Variants in HECTD3 observed in about 807,000 individuals in gnomAD.
The protein encoded by HECTD3 is HECT domain E3 ubiquitin protein ligase 3.
Under a neutral mutation model 109.3 loss-of-function variants are expected in HECTD3, and 72 were observed. The observed-to-expected ratio is 0.66, with a 90% confidence interval of 0.54 to 0.80. HECTD3 has a LOEUF of 0.80. Ranked by LOEUF, HECTD3 falls within the 30% of genes least tolerant of loss-of-function variation. HECTD3 has a pLI of 0.00. For synonymous variants in HECTD3, 481 were observed against 471.8 expected, an observed-to-expected ratio of 1.02 and a Z score of -0.25; for missense variants, 1,041 against 1,165.2, an observed-to-expected ratio of 0.89 and a Z score of 1.55.
intron 14 of HECTD3, 33 bp from the exon 15 acceptor site, chr1:45,005,916 C>A (rs999477001): frequency 1.2e-6 from 2 of 1,604,616 alleles, no homozygotes; most frequent in Non-Finnish European, 1.7e-6. Flanking sequence ...TGTCTTCTCA[C>A]CCTGAGCTGC....
intron 18 of HECTD3, 40 bp downstream of exon 18, chr1:45,004,020 G>A (rs1341352941): frequency 1.7e-5 from 27 of 1,613,320 alleles, no homozygotes; most frequent in Non-Finnish European, 2.0e-5. Flanking sequence ...CTCAGCAGCA[G>A]AGTCCAAACC....
Position 45,007,362 on chromosome 1 carries a change from C to A in HECTD3, c.1503+51G>T, listed in dbSNP as rs1462511550. 8 of 1,607,734 alleles carry A rather than the reference C, an allele frequency of 5.0e-6. No individual in the cohort carries two copies. The Admixed American group carries it at 1.3e-4, about 27-fold the overall frequency. On this transcript the variant is annotated intron_variant, in intron 10 of 20. Coordinates refer to ENST00000372172, the MANE Select transcript of HECTD3 (RefSeq NM_024602.6). Reference sequence around the variant, plus strand: ...TGTTCAGGTCCCTCTTGGCCTAGCCCCCTTGGCCCTTGACTGATCCTATCT... The same window carrying A: ...TGTTCAGGTCCCTCTTGGCCTAGCCACCTTGGCCCTTGACTGATCCTATCT...
intron 5 of HECTD3, 41 bp from the exon 6 acceptor site, chr1:45,009,523 C>A (rs764390100): frequency 1.9e-6 from 3 of 1,606,336 alleles, no homozygotes; most frequent in Non-Finnish European, 1.7e-6. Flanking sequence ...TGTGAACCCA[C>A]AGGGACATAG....
chr1:45,003,825 G>A lies in HECTD3; in HGVS notation c.2429+30C>T. 1 of 1,612,496 alleles carries A rather than the reference G, an allele frequency of 6.2e-7. No homozygotes were observed. ...GGGAGGGAGGACAGAAGGCGGCCAT[G>A]GCACCTTCAGGCCTCCCTCCAGCAC... On this transcript the variant is annotated intron_variant, in intron 19 of 20. Transcript: ENST00000372172. This position sits in a 1 kb window ranked among gnomAD's most constrained non-coding sequence, Gnocchi z 4.7.
At position 45,006,927 on chromosome 1, in the gene HECTD3, T is replaced by C; in HGVS notation, c.1621+24A>G. The C allele has an allele frequency of 6.2e-7, 1 of 1,604,092 alleles. No homozygotes were observed. The highest frequency in any genetic ancestry group is 1.3e-5 in the African/African-American group (1 of 74,814). On this transcript the variant is annotated intron_variant, in intron 12 of 20. Transcript: ENST00000372172. This position sits in a 1 kb window ranked among gnomAD's most constrained non-coding sequence, Gnocchi z 4.7. ...TTGATAGGGCAGCAAGCAGGACCCT[T>C]GAGATCCTCCCTCAGGGCCTCACCT...
At chr1:45,010,806 A>G in intron 1 of HECTD3, 83 bp downstream of exon 1, 13 of 1,510,526 alleles carry the variant, frequency 8.6e-6, no homozygotes, top group Non-Finnish European at 1.1e-5. Flanking sequence ...TGCCAACTCA[A>G]TACAGGGGAG....
Position 45,003,915 on chromosome 1 carries a change from C to T in HECTD3, c.2369G>A (p.Arg790His). Residue 790 changes from arginine (R) to histidine (H), a missense_variant, in exon 19 of 21, where the codon CGC becomes CAC. Around this residue, in one of 2 missense-constraint regions of HECTD3, gnomAD observed 569 missense variants for 715.3 expected, o/e 0.80. Transcript: ENST00000372172. The surrounding 1 kb of genome is among the most constrained non-coding windows in gnomAD (Gnocchi z 4.7). ...CAGGCGACTGCGGCCCGTGACAAAG[C>T]GCAGGAAGCGGCTCCGGTCCTCTGG... ...FTNEDRSRFLRFVTGRSRLPA... is the reference protein window; with the variant it reads ...FTNEDRSRFLHFVTGRSRLPA... 7 of 1,613,374 alleles carry T rather than the reference C, an allele frequency of 4.3e-6. No homozygotes were observed. Among genetic ancestry groups the T allele is most frequent in the South Asian group, 1.1e-5 (1 of 90,980 alleles).
Position 45,003,373 on chromosome 1 carries a change from G to A in HECTD3, c.*119C>T. 1 of 834,946 alleles carries A rather than the reference G, an allele frequency of 1.2e-6. No individual in the cohort carries two copies. Among genetic ancestry groups the A allele is most frequent in the Non-Finnish European group, 2.0e-6 (1 of 508,622 alleles). 51.7% of individuals were successfully genotyped at this position (834,946 alleles called of 1,614,324 possible). The stretch of plus-strand genomic sequence containing the variant: ...CCTACCCCAACTGCACACAGGAGCA[G>A]GGCACATGGGGTTTTGCTGAGCACG... On this transcript the variant is annotated 3_prime_UTR_variant, in exon 21 of 21. Transcript: ENST00000372172. The surrounding 1 kb of genome is among the most constrained non-coding windows in gnomAD (Gnocchi z 4.7).
rs1047846433 is a variant in HECTD3, at chr1:45,011,129, C to A, written c.129G>T (p.Val43=). 1.2e-5 allele frequency: 18 copies of A among 1,510,980 alleles called. No homozygotes were observed. Among genetic ancestry groups the A allele is most frequent in the Non-Finnish European group, 1.4e-5 (16 of 1,138,200 alleles). 93.6% of individuals were successfully genotyped at this position (1,510,980 alleles called of 1,614,324 possible). ...GRPLPAALAF[V]PREVLYKLYK... ...AAAGCTTGTAGAGCACCTCTCGCGG[C>A]ACGAAAGCCAGCGCTGCTGGCAGCG... is the stretch of plus-strand genomic sequence containing the variant. The change falls in exon 1 of 21, where the codon GTG becomes GTT. Residue 43 remains valine (V), a synonymous_variant. Coordinates refer to ENST00000372172, the MANE Select transcript of HECTD3 (RefSeq NM_024602.6).
chr1:45,003,657 G>GA lies in HECTD3; in HGVS notation c.2501+11dup, dbSNP rs776746761. The GA allele has an allele frequency of 2.5e-6, 4 of 1,614,032 alleles. No individual in the cohort carries two copies. The highest frequency in any genetic ancestry group is 3.3e-5 in the Admixed American group (2 of 60,006). ...CCCCTGGGCCCCAAATCGAGCCTAGGAAAAAACCCACCTGGCATAGTGTGG... is the reference window on the plus strand; with the variant it reads ...CCCCTGGGCCCCAAATCGAGCCTAGGAAAAAAACCCACCTGGCATAGTGTGG... On this transcript the variant is annotated intron_variant, in intron 20 of 20. Transcript: ENST00000372172. This position sits in a 1 kb window ranked among gnomAD's most constrained non-coding sequence, Gnocchi z 4.7.
Position 45,010,140 on chromosome 1 carries a change from C to T in HECTD3, c.624-19G>A. The T allele has an allele frequency of 6.2e-7, 1 of 1,613,656 alleles. No individual in the cohort carries two copies. The highest frequency in any genetic ancestry group is 8.5e-7 in the Non-Finnish European group (1 of 1,179,688). ...TACATAGCTAAGCAACCCCAAGCCC[C>T]TAATTAGACTGGGCCCAGACGCAGA... On this transcript the variant is annotated intron_variant, in intron 3 of 20. Transcript: ENST00000372172.
In HECTD3 at chr1:45,007,536, C is replaced by A; in HGVS notation, c.1380G>T (p.Leu460=). 6.2e-7 allele frequency: 1 copy of A among 1,613,922 alleles called. No homozygotes were observed. Among genetic ancestry groups the A allele is most frequent in the Non-Finnish European group, 8.5e-7 (1 of 1,180,000 alleles). The change falls in exon 10 of 21, where the codon CTG becomes CTT. Residue 460 remains leucine, a synonymous_variant. Coordinates refer to ENST00000372172, the MANE Select transcript of HECTD3 (RefSeq NM_024602.6). ...TGGGCTTGCTGCTCTCAGAGTCACG[C>A]AGGCACTGAGCCACCAGGCCTGGCC... ...RQRPGLVAQC[L]RDSESSKPSF...
rs756792102 is a variant in HECTD3, at chr1:45,010,251, TC to T, written c.572del (p.Gly191AspfsTer32). The T allele has an allele frequency of 5.0e-6, 8 of 1,613,800 alleles. No individual in the cohort carries two copies. Among genetic ancestry groups the T allele is most frequent in the Non-Finnish European group, 6.8e-6 (8 of 1,179,990 alleles). On this transcript the variant is annotated frameshift_variant, in exon 3 of 21. Transcript: ENST00000372172. LOFTEE classifies it high-confidence loss of function. ...ATGCCTCTGCCGGCTGAGGTCTCGA[TC>T]CCAGGCGATGTGAGTATGTCAGGTC... ...VVDLTYSHRL[G>X]SRPQPAEAYA... is the part of the protein sequence containing the mutation.
chr1:45,010,937 C>G lies in HECTD3; in HGVS notation c.321G>C (p.Thr107=). Residue 107 remains threonine (T), a synonymous_variant, in exon 1 of 21, where the codon ACG becomes ACC. Coordinates refer to ENST00000372172, the MANE Select transcript of HECTD3 (RefSeq NM_024602.6). Reference sequence around the variant, plus strand: ...CGTGGCCATTGCACAGCTCCTCGCCCGTGGTGCGCACGCAGGCGCCGCGCC... The same window carrying G: ...CGTGGCCATTGCACAGCTCCTCGCCGGTGGTGCGCACGCAGGCGCCGCGCC... ...ELRRGACVRT[T]GEELCNGHGL... The G allele has an allele frequency of 6.5e-7, 1 of 1,540,634 alleles. No individual in the cohort carries two copies. Among genetic ancestry groups the G allele is most frequent in the Non-Finnish European group, 8.6e-7 (1 of 1,156,446 alleles).
chr1:45,003,934 C>A lies in HECTD3; in HGVS notation c.2350G>T (p.Asp784Tyr). The change falls in exon 19 of 21, where the codon GAC (aspartate) becomes TAC (tyrosine). Residue 784 changes from aspartate (D) to tyrosine (Y), a missense_variant and splice_region_variant. Transcript: ENST00000372172. The surrounding 1 kb of genome is among the most constrained non-coding windows in gnomAD (Gnocchi z 4.7). Reference protein sequence around the residue: ...WEALNNFTNEDRSRFLRFVTG... With the variant: ...WEALNNFTNEYRSRFLRFVTG... ...ACAAAGCGCAGGAAGCGGCTCCGGT[C>A]CTCTGGAGGGAGAAGGAAATCAGTG... is the stretch of plus-strand genomic sequence containing the variant. The A allele has an allele frequency of 6.2e-7, 1 of 1,613,306 alleles. No homozygotes were observed. The highest frequency in any genetic ancestry group is 8.5e-7 in the Non-Finnish European group (1 of 1,179,578).
In HECTD3 at chr1:45,010,903, C is replaced by T. The variant is rs1276697424; in HGVS notation, c.355G>A (p.Val119Met). 2.6e-6 allele frequency: 4 copies of T among 1,536,522 alleles called. No individual in the cohort carries two copies. The East Asian group carries it at 9.2e-5, about 35-fold the overall frequency. ...GAAGAGCGCACCTTTGTCAGCTTCA[C>T]CCAGAGCCCGTGGCCATTGCACAGC... ...EELCNGHGLW[V>M]KLTKEQLAEH... Residue 119 changes from valine (V) to methionine (M), a missense_variant, in exon 1 of 21, where the codon GTG becomes ATG. Physicochemically the swap from Val to Met is conservative, Grantham distance 21 (BLOSUM62 1). This residue lies in a region of HECTD3 where 472 missense variants were observed against 449.9 expected (regional missense o/e 1.05). Coordinates refer to ENST00000372172, the MANE Select transcript of HECTD3 (RefSeq NM_024602.6).
chr1:45,005,277 C>T (rs774152839), intron 15 of HECTD3: 29 of 217,050 alleles, frequency 1.3e-4, no homozygotes, highest in Admixed American at 2.1e-4. Context: ...GGAGACCAAA[C>T]GGGTAAGAAC....
chr1:45,005,575 G>C lies in HECTD3; in HGVS notation c.1935+219C>G, dbSNP rs200799121. ...GATGCCATCTTGGGGCAAACGTCGA[G>C]GGTACAGATACATATATGGCCCCAG... On this transcript the variant is annotated intron_variant, in intron 15 of 20. Coordinates refer to ENST00000372172, the MANE Select transcript of HECTD3 (RefSeq NM_024602.6). The C allele has an allele frequency of 3.0e-5, 13 of 434,032 alleles. No individual in the cohort carries two copies. The East Asian group carries it at 3.7e-4, about 13-fold the overall frequency. 26.9% of individuals were successfully genotyped at this position (434,032 alleles called of 1,614,324 possible).
chr1:45,004,570 C>G, intron 16 of HECTD3, 30 bp downstream of exon 16: 1 of 1,612,560 alleles, frequency 6.2e-7, no homozygotes. Flanking sequence ...GGGGCCAAAG[C>G]TCTCTGCTCT....
Sources: gnomAD v4.1 joint callset for allele counts on GRCh38, gnomAD v4.1.1 for gene constraint, gnomAD v4.1.1 regional missense constraint, Gnocchi (gnomAD v3.1) non-coding constraint, MANE v1.5 for transcripts, NCBI Gene and HGNC (gene_info 2026-07-23, HGNC 2026-07-21) for gene names.